The following LRRK2 variants were observed in gnomAD, a reference collection of about 807,000 sequenced individuals.
LRRK2 encodes leucine rich repeat kinase 2.
Under a neutral mutation model 302.6 loss-of-function variants are expected in LRRK2, and 203 were observed. The ratio of observed to expected loss-of-function variants is 0.67; its 90% CI spans 0.60 to 0.75. The LOEUF (loss-of-function observed/expected upper bound fraction) is 0.75. Ranked by LOEUF, LRRK2 falls within the 30% of genes least tolerant of loss-of-function variation. The pLI is 0.00. For missense variants in LRRK2, 2,830 were observed against 2,951.0 expected (o/e 0.96, Z 0.95); for synonymous variants, 1,066 against 1,031.9 (o/e 1.03, Z -0.63).
Position 40,240,556 on chromosome 12 carries a change from T to C in LRRK2, c.645T>C (p.Phe215=). ...YMILLSALTN[F]KDEEEIVLHV... ...TATTGTTAAGTGCGTTAACAAATTT[T>C]AAAGATGAAGAGGAAATTGTGCTTC... The change falls in exon 6 of 51, where the codon TTT becomes TTC. Residue 215 remains phenylalanine, a synonymous_variant. Transcript: ENST00000298910. The C allele has an allele frequency of 6.2e-7, 1 of 1,613,420 alleles. No homozygotes were observed. Among genetic ancestry groups the C allele is most frequent in the Non-Finnish European group, 8.5e-7 (1 of 1,179,612 alleles).
chr12:40,252,962 A>C lies in LRRK2; in HGVS notation c.1234A>C (p.Lys412Gln), dbSNP rs200043889. 1 of 1,613,544 alleles carries C rather than the reference A, an allele frequency of 6.2e-7. No individual in the cohort carries two copies. The highest frequency in any genetic ancestry group is 1.1e-5 in the South Asian group (1 of 91,082). ...CTCCATGCTGATGCATTCTTCATCA[A>C]AGGAAGTTTTCCAGGCATCTGCGAA... ...MLSMLMHSSS[K>Q]EVFQASANAL... is the part of the protein sequence containing the mutation. Residue 412 changes from lysine (K) to glutamine (Q), a missense_variant, in exon 11 of 51, where the codon AAG becomes CAG. Lys to Gln is a moderately conservative substitution (Grantham distance 53). Transcript: ENST00000298910.
At chr12:40,316,279 A>G (rs2136862082) in intron 33 of LRRK2, 1 of 977,204 alleles carries the variant, frequency 1.0e-6, no homozygotes, top group Non-Finnish European at 1.2e-6. Flanking sequence ...CCATCTAAGG[A>G]AAAAAAGGAA....
intron 43 of LRRK2, among the ~76,000 whole-genome samples, chr12:40,351,215 G>A (rs1344563659): frequency 6.6e-6 from 1 of 152,068 alleles, no homozygotes; most frequent in East Asian, 1.9e-4. Context: ...CACTGGCGGT[G>A]GCTCTGCAAT....
chr12:40,315,366 G>T, intron 33 of LRRK2, 66 bp downstream of exon 33: 1 of 1,310,618 alleles, frequency 7.6e-7, no homozygotes, highest in South Asian at 1.2e-5. Flanking sequence ...GGCGCCCAGA[G>T]CATTGAGCAT....
At chr12:40,311,898 C>G (rs10784503) in intron 31 of LRRK2, among the ~76,000 whole-genome samples, 86,065 of 151,776 alleles carry the variant, frequency 0.57, 24,534 homozygotes, top group South Asian at 0.7. Context: ...TAATTAGAAA[C>G]TAATATGACT....
chr12:40,271,612 C>T (rs1943234824), intron 14 of LRRK2, among the ~76,000 whole-genome samples: 2 of 152,098 alleles, frequency 1.3e-5, no homozygotes, highest in Admixed American at 1.3e-4. Flanking sequence ...CAATACATTA[C>T]TATTTCAAGA....
rs369369244 is a variant in LRRK2 at position 40,342,435 on chromosome 12, C to T, written c.6109+1981C>T. Among the ~76,000 whole-genome samples the T allele has an allele frequency of 6.6e-3, 999 of 150,512 alleles. 8 individuals carry two copies. Among genetic ancestry groups the T allele is most frequent in the South Asian group, 0.026 (122 of 4,756 alleles). ...TCAGAAACCCAGGGCCTAATCTTTT[C>T]TTTTCTGCCTACTCTTCTCACAGGC... On this transcript the variant is annotated intron_variant, in intron 41 of 50. Transcript: ENST00000298910.
chr12:40,272,136 A>C (rs1054170031), intron 14 of LRRK2, among the ~76,000 whole-genome samples: 1 of 152,216 alleles, frequency 6.6e-6, no homozygotes, highest in Non-Finnish European at 1.5e-5. Context: ...CAAGGGTGAC[A>C]ACAGAGCATT....
At chr12:40,341,198 A>T (rs1946031303) in intron 41 of LRRK2, among the ~76,000 whole-genome samples, 1 of 152,156 alleles carries the variant, frequency 6.6e-6, no homozygotes, top group African/African-American at 2.4e-5. Context: ...AGTGTGGGGA[A>T]CACTCTATCT....
intron 38 of LRRK2, among the ~76,000 whole-genome samples, chr12:40,327,805 A>G (rs1482397677): frequency 1.3e-5 from 2 of 152,206 alleles, no homozygotes; most frequent in African/African-American, 4.8e-5. Flanking sequence ...ATGAGGCTAC[A>G]CAGTGGACTG....
intron 44 of LRRK2, 52 bp from the exon 45 acceptor site, chr12:40,354,247 G>T: frequency 6.7e-7 from 1 of 1,493,192 alleles, no homozygotes; most frequent in South Asian, 1.2e-5. Context: ...ACAAGTTCTA[G>T]TTGCTTAAGC....
At chr12:40,280,611 C>T (rs1409804182) in intron 18 of LRRK2, among the ~76,000 whole-genome samples, 2 of 75,696 alleles carry the variant, frequency 2.6e-5, no homozygotes, top group Non-Finnish European at 5.6e-5. Flanking sequence ...GGCAACAGAG[C>T]CAGACCCTGT....
chr12:40,366,471 T>C (rs1444660132), intron 49 of LRRK2: 2 of 154,818 alleles, frequency 1.3e-5, no homozygotes, highest in African/African-American at 4.8e-5. Context: ...GTTGGGTTAG[T>C]GTGTTTTTGT....
At chr12:40,347,409 A>G (rs377160038) in intron 42 of LRRK2, among the ~76,000 whole-genome samples, 1 of 152,224 alleles carries the variant, frequency 6.6e-6, no homozygotes, top group Non-Finnish European at 1.5e-5. Context: ...GGACTTTGTA[A>G]TTCATTCCTT....
At chr12:40,271,376 C>T (rs1270841733) in intron 14 of LRRK2, among the ~76,000 whole-genome samples, 2 of 152,114 alleles carry the variant, frequency 1.3e-5, no homozygotes, top group Non-Finnish European at 2.9e-5. Flanking sequence ...TACCTAGTAG[C>T]TAGGAAAGAG....
chr12:40,309,287 T>TGTGC, intron 30 of LRRK2, 54 bp downstream of exon 30: 1 of 1,344,434 alleles, frequency 7.4e-7, no homozygotes, highest in Non-Finnish European at 1.0e-6. Flanking sequence ...TCTGTGTGCG[T>TGTGC]GTGTGTGTGT....
Position 40,278,139 on chromosome 12 carries a change from T to TA in LRRK2, c.2120dup (p.Tyr707Ter). The TA allele has an allele frequency of 6.2e-7, 1 of 1,614,136 alleles. No individual in the cohort carries two copies. The highest frequency in any genetic ancestry group is 2.2e-5 in the East Asian group (1 of 44,850). Residue 707 changes from tyrosine to a stop codon, truncating the protein, a stop_gained and frameshift_variant, in exon 18 of 51, where the codon TAC (tyrosine) becomes TAAC (stop). Coordinates refer to ENST00000298910, the MANE Select transcript of LRRK2 (RefSeq NM_198578.4). LOFTEE classifies it high-confidence loss of function. Reference sequence around the variant, plus strand: ...TTTTGCAAAAGTAGCTATGGATGATTACTTAAAAAATGTGATGCTAGAGAG... The same window carrying TA: ...TTTTGCAAAAGTAGCTATGGATGATTAACTTAAAAAATGTGATGCTAGAGAG... ...KCFAKVAMDD[Y>*]LKNVMLERAC...
intron 41 of LRRK2, 112 bp downstream of exon 41, chr12:40,340,566 G>T: frequency 3.6e-6 from 4 of 1,103,372 alleles, no homozygotes; most frequent in Non-Finnish European, 5.5e-6. Context: ...ATTGTGAACA[G>T]AGGTTTATTT....
chr12:40,306,655 T>G (rs1453775686), intron 28 of LRRK2, among the ~76,000 whole-genome samples: 1 of 152,182 alleles, frequency 6.6e-6, no homozygotes, highest in Non-Finnish European at 1.5e-5. Context: ...AACTTGACTG[T>G]AATATCCACC....
Sources: allele counts gnomAD v4.1 joint callset (sites outside exome capture counted in the v4.1 genomes callset), GRCh38; gene constraint gnomAD v4.1.1; transcripts MANE v1.5; gene names NCBI Gene and HGNC (gene_info 2026-07-23, HGNC 2026-07-21).